Variants in SCHIP1 observed in about 807,000 individuals in gnomAD.
SCHIP1 encodes schwannomin interacting protein 1, also known as schwannomin-interacting protein 1.
SCHIP1 carries 8 observed loss-of-function variants against 29.7 expected under a neutral mutation model. The ratio of observed to expected loss-of-function variants is 0.27; its 90% CI spans 0.16 to 0.49. SCHIP1 has a LOEUF of 0.49. Among genes scored for constraint, SCHIP1 ranks in the 20% least tolerant of loss-of-function variants. The pLI is 0.99. For synonymous variants in SCHIP1, 76 were observed against 94.9 expected (o/e 0.80, Z 1.16); for missense variants, 193 against 294.6 (o/e 0.66, Z 2.52).
chr3:159,843,028 T>TTTTTTTTTTTTTTTTTG (rs1744416018), intron 1 of SCHIP1, among the ~76,000 whole-genome samples: 1 of 114,050 alleles, frequency 8.8e-6, no homozygotes, highest in Non-Finnish European at 1.8e-5. Context: ...TTTTTTTTTT[T>TTTTTTTTTTTTTTTTTG]TGAGATGGAG....
At chr3:159,498,232 T>C in the SCHIP1 span, among the ~76,000 whole-genome samples, 6 of 152,188 alleles carry the variant, frequency 3.9e-5, no homozygotes, top group African/African-American at 1.2e-4. Context: ...TAAAATTTTG[T>C]TTATATAATT....
At chr3:159,543,960 A>G in the SCHIP1 span, among the ~76,000 whole-genome samples, 1 of 152,128 alleles carries the variant, frequency 6.6e-6, no homozygotes, top group East Asian at 1.9e-4. Flanking sequence ...TCACAAGCAA[A>G]TAGCTTGATG....
chr3:159,400,182 A>G, the SCHIP1 span, among the ~76,000 whole-genome samples: 80 of 152,352 alleles, frequency 5.3e-4, no homozygotes, highest in African/African-American at 1.7e-3. Context: ...GGAAGAAAAA[A>G]CAATATAGAA....
the SCHIP1 span, among the ~76,000 whole-genome samples, chr3:159,730,976 T>C: frequency 6.6e-6 from 1 of 152,214 alleles, no homozygotes. Context: ...AGGAGGAATA[T>C]GGAGTGGCCT....
the SCHIP1 span, among the ~76,000 whole-genome samples, chr3:159,368,139 C>T: frequency 1.3e-5 from 2 of 152,174 alleles, no homozygotes; most frequent in African/African-American, 4.8e-5. Flanking sequence ...CTTAAGTGCA[C>T]CCAACACAAT....
At chr3:159,641,945 C>T in the SCHIP1 span, among the ~76,000 whole-genome samples, 1 of 152,106 alleles carries the variant, frequency 6.6e-6, no homozygotes, top group African/African-American at 2.4e-5. Flanking sequence ...ACTAGATCTT[C>T]AAACAGAGTT....
chr3:159,709,202 T>C, the SCHIP1 span, among the ~76,000 whole-genome samples: 1 of 152,126 alleles, frequency 6.6e-6, no homozygotes, highest in South Asian at 2.1e-4. Context: ...TTTCCAGGGA[T>C]TGAAGAGGGG....
chr3:159,591,131 T>G, the SCHIP1 span, among the ~76,000 whole-genome samples: 24 of 152,224 alleles, frequency 1.6e-4, no homozygotes, highest in Non-Finnish European at 3.1e-4. Flanking sequence ...TATTCTGAAC[T>G]TTCGGATTCC....
chr3:159,532,836 C>T, the SCHIP1 span, among the ~76,000 whole-genome samples: 1 of 152,208 alleles, frequency 6.6e-6, no homozygotes, highest in Admixed American at 6.5e-5. Context: ...CATGTGCTTA[C>T]ACTTCAAGTG....
chr3:159,316,344 C>T, the SCHIP1 span, among the ~76,000 whole-genome samples: 1 of 152,122 alleles, frequency 6.6e-6, no homozygotes, highest in South Asian at 2.1e-4. Context: ...AGGAAACATC[C>T]AGCACAGGAG....
chr3:159,410,276 T>G, the SCHIP1 span, among the ~76,000 whole-genome samples: 1 of 152,104 alleles, frequency 6.6e-6, no homozygotes, highest in East Asian at 1.9e-4. Flanking sequence ...AATGGACAAG[T>G]GAGACTACAT....
At chr3:159,872,952 G>A (rs1489734865) in intron 2 of SCHIP1, among the ~76,000 whole-genome samples, 1 of 152,144 alleles carries the variant, frequency 6.6e-6, no homozygotes, top group Non-Finnish European at 1.5e-5. Context: ...TCAGAACATT[G>A]AGTTCACCAG....
chr3:159,324,474 T>G, the SCHIP1 span, among the ~76,000 whole-genome samples: 1 of 152,164 alleles, frequency 6.6e-6, no homozygotes, highest in Non-Finnish European at 1.5e-5. Context: ...AGATTGAGAA[T>G]GTTTTTTCAT....
At chr3:159,885,123 C>T (rs771485556) in intron 2 of SCHIP1, among the ~76,000 whole-genome samples, 1 of 152,148 alleles carries the variant, frequency 6.6e-6, no homozygotes, top group Non-Finnish European at 1.5e-5. Flanking sequence ...AGCATTCCTA[C>T]CATTGGAATT....
At chr3:159,407,381 A>G in the SCHIP1 span, among the ~76,000 whole-genome samples, 1 of 152,216 alleles carries the variant, frequency 6.6e-6, no homozygotes, top group Non-Finnish European at 1.5e-5. Flanking sequence ...AATACCCAAT[A>G]TATAAAGCAA....
At chr3:159,514,192 T>C in the SCHIP1 span, among the ~76,000 whole-genome samples, 12 of 152,200 alleles carry the variant, frequency 7.9e-5, no homozygotes, top group African/African-American at 2.2e-4. Context: ...ACCACCGTCA[T>C]GGAAAACTAT....
chr3:159,580,467 G>A, the SCHIP1 span, among the ~76,000 whole-genome samples: 4 of 152,188 alleles, frequency 2.6e-5, no homozygotes, highest in African/African-American at 9.7e-5. Flanking sequence ...CATGATCAAG[G>A]CAGACGGAGA....
At chr3:159,432,465 A>T in the SCHIP1 span, among the ~76,000 whole-genome samples, 1 of 152,192 alleles carries the variant, frequency 6.6e-6, no homozygotes, top group East Asian at 1.9e-4. Context: ...GCATTCTGTT[A>T]GTTAGAAGTA....
the SCHIP1 span, among the ~76,000 whole-genome samples, chr3:159,832,976 T>A: frequency 2.0e-5 from 3 of 152,236 alleles, no homozygotes; most frequent in African/African-American, 4.8e-5. Flanking sequence ...TGTGCCTAAG[T>A]TATAAATTAA....
Sources: allele counts gnomAD v4.1 joint callset (sites outside exome capture counted in the v4.1 genomes callset), GRCh38; gene constraint gnomAD v4.1.1; transcripts MANE v1.5; gene names NCBI Gene and HGNC (gene_info 2026-07-23, HGNC 2026-07-21).